Variants in CCDC7 observed in about 807,000 individuals in gnomAD.
CCDC7 encodes the protein coiled-coil domain-containing protein 7.
In CCDC7, 183 loss-of-function variants were observed where a neutral mutation model predicts 196.9. The ratio of observed to expected loss-of-function variants is 0.93; its 90% CI spans 0.82 to 1.05. CCDC7 has a LOEUF of 1.05. Ranked by LOEUF, CCDC7 falls within the 50% of genes least tolerant of loss-of-function variation. The probability of loss-of-function intolerance (pLI) is 0.00; values close to 1 mark genes in which losing one functional copy is unlikely to be tolerated. For missense variants in CCDC7, 1,540 were observed against 1,482.2 expected, an observed-to-expected ratio of 1.04 and a Z score of -0.64; for synonymous variants, 525 against 484.6, an observed-to-expected ratio of 1.08 and a Z score of -1.10.
chr10:32,852,699 G>A (rs1006643292), intron 40 of CCDC7, among the ~76,000 whole-genome samples: 4 of 152,024 alleles, frequency 2.6e-5, no homozygotes, highest in Non-Finnish European at 4.4e-5. Flanking sequence ...AAGGTTCTAA[G>A]TAAAAAATCA....
At chr10:32,601,312 C>A (rs2060974425) in intron 18 of CCDC7, among the ~76,000 whole-genome samples, 2 of 152,158 alleles carry the variant, frequency 1.3e-5, no homozygotes, top group Non-Finnish European at 2.9e-5. Context: ...CTCAAGTAAA[C>A]CACCTGCCTC....
chr10:32,688,138 C>G (rs1301888030), intron 22 of CCDC7, among the ~76,000 whole-genome samples: 1 of 152,136 alleles, frequency 6.6e-6, no homozygotes, highest in African/African-American at 2.4e-5. Context: ...ATGAGGGGCT[C>G]TGTTGTGACA....
intron 21 of CCDC7, among the ~76,000 whole-genome samples, chr10:32,682,640 A>G (rs1051921063): frequency 6.6e-6 from 1 of 152,198 alleles, no homozygotes; most frequent in Non-Finnish European, 1.5e-5. Context: ...CTTTTTCTCT[A>G]CAACCTCACC....
chr10:32,843,508 A>G (rs1027507862), intron 33 of CCDC7, among the ~76,000 whole-genome samples: 1 of 152,058 alleles, frequency 6.6e-6, no homozygotes, highest in African/African-American at 2.4e-5. Flanking sequence ...ATAGCATGGT[A>G]TGTTATTTAT....
chr10:32,635,631 A>C (rs1365226038), intron 20 of CCDC7, among the ~76,000 whole-genome samples: 1 of 152,146 alleles, frequency 6.6e-6, no homozygotes, highest in East Asian at 1.9e-4. Context: ...ACAAAAACAA[A>C]ACAAAACAAA....
intron 37 of CCDC7, among the ~76,000 whole-genome samples, chr10:32,847,515 A>G (rs553600884): frequency 1.0e-3 from 152 of 152,078 alleles, no homozygotes; most frequent in African/African-American, 3.5e-3. Context: ...ATAATATAGA[A>G]ATTTCAAAAG....
At chr10:32,544,641 A>C (rs1444770403) in intron 13 of CCDC7, among the ~76,000 whole-genome samples, 1 of 152,194 alleles carries the variant, frequency 6.6e-6, no homozygotes, top group African/African-American at 2.4e-5. Flanking sequence ...ATGACTTTGG[A>C]TAATTCCCTT....
chr10:32,546,839 T>C (rs1431210819), intron 13 of CCDC7, among the ~76,000 whole-genome samples: 1 of 152,192 alleles, frequency 6.6e-6, no homozygotes, highest in Non-Finnish European at 1.5e-5. Flanking sequence ...TTATATGTCT[T>C]GAGAATCCTC....
At chr10:32,621,711 C>T (rs1300697974) in intron 18 of CCDC7, among the ~76,000 whole-genome samples, 1 of 152,122 alleles carries the variant, frequency 6.6e-6, no homozygotes, top group Non-Finnish European at 1.5e-5. Context: ...GGCCCAACAA[C>T]CAGGAGCTCC....
At chr10:32,497,008 A>G (rs2043017824) in intron 9 of CCDC7, among the ~76,000 whole-genome samples, 1 of 152,048 alleles carries the variant, frequency 6.6e-6, no homozygotes, top group Non-Finnish European at 1.5e-5. Context: ...TTGGCTGTGA[A>G]TCCGTCTGGT....
intron 18 of CCDC7, among the ~76,000 whole-genome samples, chr10:32,594,315 T>A (rs1023047055): frequency 6.6e-6 from 1 of 152,206 alleles, no homozygotes; most frequent in African/African-American, 2.4e-5. Flanking sequence ...GAAGCAATTG[T>A]GAATGGGAGT....
chr10:32,485,189 T>C (rs1177335752), intron 8 of CCDC7, among the ~76,000 whole-genome samples: 4 of 152,214 alleles, frequency 2.6e-5, no homozygotes, highest in Admixed American at 2.0e-4. Context: ...TGTTATTGGT[T>C]TATTCAGAGA....
chr10:32,504,997 G>C (rs541783778), intron 9 of CCDC7, among the ~76,000 whole-genome samples: 2 of 152,234 alleles, frequency 1.3e-5, no homozygotes, highest in East Asian at 3.9e-4. Context: ...TGTTGTAAAT[G>C]AGGCATTACT....
At chr10:32,624,017 C>T (rs74233145) in intron 18 of CCDC7, among the ~76,000 whole-genome samples, 11,485 of 152,198 alleles carry the variant, frequency 0.075, 527 homozygotes, top group East Asian at 0.16. Context: ...TGAGATGTGG[C>T]GGGGACCAGT....
intron 11 of CCDC7, among the ~76,000 whole-genome samples, chr10:32,530,571 G>C (rs1053451638): frequency 6.6e-6 from 1 of 151,860 alleles, no homozygotes; most frequent in Non-Finnish European, 1.5e-5. Context: ...AAGTGAAATG[G>C]TATATAATTG....
intron 18 of CCDC7, among the ~76,000 whole-genome samples, chr10:32,594,329 C>G (rs978740250): frequency 2.6e-5 from 4 of 152,132 alleles, no homozygotes; most frequent in African/African-American, 4.8e-5. Context: ...TGGGAGTTCA[C>G]TCATGATTTG....
At chr10:32,465,179 T>C (rs1007858548) in intron 5 of CCDC7, among the ~76,000 whole-genome samples, 9 of 151,996 alleles carry the variant, frequency 5.9e-5, no homozygotes, top group African/African-American at 2.2e-4. Flanking sequence ...GGGCACTCTT[T>C]CCTTGTAAGA....
chr10:32,471,297 G>T, intron 6 of CCDC7, 67 bp downstream of exon 7: 1 of 1,531,132 alleles, frequency 6.5e-7, no homozygotes. Context: ...AGCACTGAAT[G>T]TAAGATAATG....
chr10:32,654,575 G>C (rs1306700084), intron 20 of CCDC7, among the ~76,000 whole-genome samples: 38 of 152,118 alleles, frequency 2.5e-4, no homozygotes. Flanking sequence ...AGTTAGCTTA[G>C]TGATCAGCTA....
Sources: gnomAD v4.1 joint callset for allele counts (sites outside exome capture counted in the v4.1 genomes callset) on GRCh38, gnomAD v4.1.1 for gene constraint, MANE v1.5 for transcripts, NCBI Gene and HGNC (gene_info 2026-07-23, HGNC 2026-07-21) for gene names.